RB1CC1: variants seen among roughly 807,000 people sequenced by gnomAD.
RB1CC1 encodes the protein RB1-inducible coiled-coil protein 1.
In RB1CC1, 46 loss-of-function variants were observed where a neutral mutation model predicts 177.5. The observed-to-expected ratio is 0.26, with a 90% confidence interval of 0.20 to 0.33. RB1CC1 has a LOEUF of 0.33. Ranked by LOEUF, RB1CC1 falls within the 10% of genes least tolerant of loss-of-function variation. RB1CC1 has a pLI of 1.00. For missense variants in RB1CC1, 1,703 were observed against 1,816.3 expected, an observed-to-expected ratio of 0.94 and a Z score of 1.13; for synonymous variants, 666 against 613.6, an observed-to-expected ratio of 1.09 and a Z score of -1.26.
chr8:52,626,677 G>C (rs562645405), intron 22 of RB1CC1, among the ~76,000 whole-genome samples: 2 of 152,178 alleles, frequency 1.3e-5, no homozygotes, highest in South Asian at 4.1e-4. Context: ...GAAATATCAG[G>C]TTCATTATTT....
At chr8:52,678,975 G>C (rs958871793) in intron 5 of RB1CC1, among the ~76,000 whole-genome samples, 13 of 152,056 alleles carry the variant, frequency 8.5e-5, no homozygotes, top group Non-Finnish European at 1.8e-4. Flanking sequence ...AAATACAAAA[G>C]GGAAACAAGA....
chr8:52,649,201 G>T (rs1850334258), intron 15 of RB1CC1, among the ~76,000 whole-genome samples: 1 of 152,124 alleles, frequency 6.6e-6, no homozygotes, highest in South Asian at 2.1e-4. Flanking sequence ...CATCAATAAA[G>T]GTTGTCCAAC....
At chr8:52,679,707 G>A (rs996057950) in intron 5 of RB1CC1, among the ~76,000 whole-genome samples, 3 of 152,144 alleles carry the variant, frequency 2.0e-5, no homozygotes, top group South Asian at 2.1e-4. Context: ...CCTGTCTCAC[G>A]ATAATTTAGG....
Position 52,698,416 on chromosome 8 carries a change from A to G in RB1CC1, c.-166-11449T>C, listed in dbSNP as rs370766702. Among the ~76,000 whole-genome samples, 46 of 151,278 alleles carry G rather than the reference A, an allele frequency of 3.0e-4. No homozygotes were observed. The South Asian group carries it at 4.0e-3, about 13-fold the overall frequency. ...TGGCTCACCGGAAGCTCCGCCTCCCAGGTTCACGCCATTCTCTCGCCTCAG... is the reference window on the plus strand; with the variant it reads ...TGGCTCACCGGAAGCTCCGCCTCCCGGGTTCACGCCATTCTCTCGCCTCAG... On this transcript the variant is annotated intron_variant, in intron 1 of 23. Transcript: ENST00000025008.
At chr8:52,641,596 T>C (rs1849589049) in intron 18 of RB1CC1, among the ~76,000 whole-genome samples, 1 of 151,994 alleles carries the variant, frequency 6.6e-6, no homozygotes, top group South Asian at 2.1e-4. Flanking sequence ...GCTGATTCTA[T>C]GATATCTTTT....
intron 21 of RB1CC1, among the ~76,000 whole-genome samples, chr8:52,629,319 C>G (rs1005938113): frequency 6.6e-6 from 1 of 152,182 alleles, no homozygotes; most frequent in Non-Finnish European, 1.5e-5. Flanking sequence ...TCATAAGTTG[C>G]TAACAATGCT....
In RB1CC1 at chr8:52,656,087, C is replaced by G. The variant is rs1331380057; in HGVS notation, c.3742G>C (p.Glu1248Gln). The G allele has an allele frequency of 8.1e-6, 13 of 1,613,516 alleles. No homozygotes were observed. Among genetic ancestry groups the G allele is most frequent in the Non-Finnish European group, 1.1e-5 (13 of 1,179,782 alleles). Residue 1248 changes from glutamate to glutamine, a missense_variant, in exon 15 of 24, where the codon GAA becomes CAA. Transcript: ENST00000025008. ...ACAACTTCTCTCTCCAATTTAAATT[C>G]TTTTAGGGCAGTCTGAATAGCTTCA... ...KDEAIQTALK[E>Q]FKLEREVVEK...
chr8:52,660,038 GT>G (rs1563396064), intron 12 of RB1CC1, among the ~76,000 whole-genome samples: 1 of 152,184 alleles, frequency 6.6e-6, no homozygotes, highest in Non-Finnish European at 1.5e-5. Flanking sequence ...TCTGATGGGG[GT>G]AAAAGCCCCC....
chr8:52,660,581 AAAAT>A lies in RB1CC1; in HGVS notation c.1689+11_1689+14del, dbSNP rs1221693623. ...ACATATGGAATTTAGTCATGGTTAG[AAAAT>A]AAATACATACACAAAAGGAAGGGGG... On this transcript the variant is annotated intron_variant, in intron 12 of 23. Coordinates refer to ENST00000025008, the MANE Select transcript of RB1CC1 (RefSeq NM_014781.5). The A allele has an allele frequency of 6.4e-7, 1 of 1,572,408 alleles. No homozygotes were observed. The highest frequency in any genetic ancestry group is 1.4e-5 in the African/African-American group (1 of 72,410).
At chr8:52,682,831 G>A (rs1853882228) in intron 5 of RB1CC1, among the ~76,000 whole-genome samples, 1 of 152,044 alleles carries the variant, frequency 6.6e-6, no homozygotes, top group South Asian at 2.1e-4. Flanking sequence ...CACAGATGAG[G>A]TTATTTCCTT....
At position 52,661,626 on chromosome 8, in the gene RB1CC1, T is replaced by C. The variant is rs754548665; in HGVS notation, c.1267A>G (p.Met423Val). 4 of 1,612,694 alleles carry C rather than the reference T, an allele frequency of 2.5e-6. No individual in the cohort carries two copies. The highest frequency in any genetic ancestry group is 3.4e-6 in the Non-Finnish European group (4 of 1,179,238). ...CLSHANQLMIMLQNHRKLLDI... is the reference protein window; with the variant it reads ...CLSHANQLMIVLQNHRKLLDI... ...AACAGTTTTCTATGATTTTGCAACA[T>C]AATCATCAACTGATTTGCGTGACTC... Residue 423 changes from methionine to valine, a missense_variant, in exon 9 of 24, where the codon ATG (methionine) becomes GTG (valine). Transcript: ENST00000025008.
At chr8:52,665,249 T>C (rs1292648352) in intron 8 of RB1CC1, among the ~76,000 whole-genome samples, 1 of 152,146 alleles carries the variant, frequency 6.6e-6, no homozygotes, top group Non-Finnish European at 1.5e-5. Flanking sequence ...CAATATATGA[T>C]AAATTCTAAC....
chr8:52,695,624 C>T (rs558221424), intron 1 of RB1CC1, among the ~76,000 whole-genome samples: 1 of 152,290 alleles, frequency 6.6e-6, no homozygotes, highest in African/African-American at 2.4e-5. Context: ...AAACTCTGGA[C>T]ACCAAAGACT....
rs1211652461 is a variant in RB1CC1 at position 52,623,711 on chromosome 8, G to C, written c.*71C>G. The C allele has an allele frequency of 9.2e-7, 1 of 1,091,874 alleles. No individual in the cohort carries two copies. Among genetic ancestry groups the C allele is most frequent in the Admixed American group, 1.8e-5 (1 of 56,814 alleles). 67.6% of individuals were successfully genotyped at this position (1,091,874 alleles called of 1,614,324 possible). On this transcript the variant is annotated 3_prime_UTR_variant, in exon 24 of 24. Coordinates refer to ENST00000025008, the MANE Select transcript of RB1CC1 (RefSeq NM_014781.5). ...CATAAAAAGATGGCCTGCTGTTTTT[G>C]GAGTGATGAATGAGCACTGCAGGAC... is the stretch of plus-strand genomic sequence containing the variant.
rs533879821 is a variant in RB1CC1 at position 52,698,850 on chromosome 8, C to T, written c.-166-11883G>A. On this transcript the variant is annotated intron_variant, in intron 1 of 23. Transcript: ENST00000025008. ...GACTACAGGCGCCTGCCACCACGCC[C>T]GGCTAATTGTTTTGTATTTTTAGTA... Among the ~76,000 whole-genome samples the T allele has an allele frequency of 1.1e-4, 17 of 151,462 alleles. No homozygotes were observed. The South Asian group carries it at 3.6e-3, about 32-fold the overall frequency.
intron 7 of RB1CC1, among the ~76,000 whole-genome samples, chr8:52,673,137 T>C (rs756702025): frequency 1.3e-5 from 2 of 152,248 alleles, no homozygotes; most frequent in South Asian, 2.1e-4. Flanking sequence ...TTCGACTGCA[T>C]GCTCCTTGAA....
intron 16 of RB1CC1, 77 bp from the exon 17 acceptor site, chr8:52,642,889 A>G (rs1289280964): frequency 1.5e-6 from 2 of 1,355,562 alleles, no homozygotes; most frequent in Non-Finnish European, 1.9e-6. Context: ...ACTTGCAAAT[A>G]TTCTTTTCTG....
At chr8:52,706,858 C>T (rs990542012) in intron 1 of RB1CC1, among the ~76,000 whole-genome samples, 4 of 151,926 alleles carry the variant, frequency 2.6e-5, no homozygotes, top group African/African-American at 7.2e-5. Flanking sequence ...GACAGGGTTT[C>T]GCCATGCTGG....
At chr8:52,664,678 G>A (rs1851919637) in intron 8 of RB1CC1, among the ~76,000 whole-genome samples, 1 of 152,154 alleles carries the variant, frequency 6.6e-6, no homozygotes, top group Non-Finnish European at 1.5e-5. Flanking sequence ...TTTGGATTCA[G>A]GGAGGTTAAA....
Sources: allele counts gnomAD v4.1 joint callset (sites outside exome capture counted in the v4.1 genomes callset), GRCh38; gene constraint gnomAD v4.1.1; transcripts MANE v1.5; gene names NCBI Gene and HGNC (gene_info 2026-07-23, HGNC 2026-07-21).